Variants in JCAD observed in about 807,000 individuals in gnomAD.
JCAD encodes the protein junctional cadherin 5 associated.
Under a neutral mutation model 98.0 loss-of-function variants are expected in JCAD, and 40 were observed. The ratio of observed to expected loss-of-function variants is 0.41; its 90% CI spans 0.32 to 0.53. The LOEUF (loss-of-function observed/expected upper bound fraction) is 0.53. Ranked by LOEUF, JCAD falls within the 20% of genes least tolerant of loss-of-function variation. The pLI is 0.31. For missense variants in JCAD, 1,705 were observed against 1,738.1 expected, an observed-to-expected ratio of 0.98 and a Z score of 0.34; for synonymous variants, 691 against 682.3, an observed-to-expected ratio of 1.01 and a Z score of -0.20.
At chr10:30,064,050 C>T (rs1038233284), upstream of JCAD, among the ~76,000 whole-genome samples, 9 of 152,114 alleles carry the variant, frequency 5.9e-5, no homozygotes, top group Non-Finnish European at 1.0e-4. Flanking sequence ...TGCGATCTGC[C>T]TGCCTTAGCC....
chr10:30,065,988 A>G (rs944594035), intron 2 of JCAD, among the ~76,000 whole-genome samples: 3 of 152,180 alleles, frequency 2.0e-5, no homozygotes, highest in African/African-American at 7.2e-5. Flanking sequence ...ACTTTAAGGA[A>G]ATGCCCAGAT....
At chr10:30,046,469 T>C (rs1409558375) in intron 2 of JCAD, among the ~76,000 whole-genome samples, 7 of 152,196 alleles carry the variant, frequency 4.6e-5, no homozygotes, top group African/African-American at 1.7e-4. Flanking sequence ...ATGATATGAA[T>C]ATACCAGAAG....
chr10:30,015,071 C>T lies in JCAD; in HGVS notation c.*2812G>A, dbSNP rs971574945. 6 of 152,164 alleles carry T rather than the reference C, an allele frequency of 3.9e-5. No homozygotes were observed. Among genetic ancestry groups the T allele is most frequent in the African/African-American group, 1.4e-4 (6 of 41,430 alleles). The allele number at this position is 152,164 out of a possible 1,614,324, so 9.4% of individuals were successfully genotyped here. A position where few individuals can be genotyped will look rare whatever the true frequency, so the allele number is the denominator to read the frequency against. ...TTTTCAGTCATTCAGAAATTTTCTT[C>T]AAAGAAAGGCAATTTGAGCTAAATT... On this transcript the variant is annotated 3_prime_UTR_variant, in exon 4 of 4. Transcript: ENST00000375377.
At chr10:30,053,889 C>A (rs1008391431) in intron 1 of JCAD, among the ~76,000 whole-genome samples, 6 of 152,036 alleles carry the variant, frequency 3.9e-5, no homozygotes, top group African/African-American at 1.4e-4. Context: ...GCAGTTAAAC[C>A]CCGTTTCTAC....
chr10:30,115,076 T>C (rs1462791535), intron 1 of JCAD, among the ~76,000 whole-genome samples: 1 of 152,210 alleles, frequency 6.6e-6, no homozygotes, highest in Non-Finnish European at 1.5e-5. Flanking sequence ...ACCAACCGAC[T>C]GTTTTCTACC....
At chr10:30,102,026 A>G (rs565644074) in intron 1 of JCAD, among the ~76,000 whole-genome samples, 197 of 151,956 alleles carry the variant, frequency 1.3e-3, no homozygotes, top group Non-Finnish European at 2.4e-3. Flanking sequence ...GTAAGCTAGT[A>G]CTCTACCCTT....
chr10:30,113,043 A>G (rs1258686949), intron 1 of JCAD, among the ~76,000 whole-genome samples: 1 of 152,172 alleles, frequency 6.6e-6, no homozygotes, highest in African/African-American at 2.4e-5. Context: ...TCGTGAATGT[A>G]CAGTATGAAA....
chr10:30,109,932 A>AC (rs1457730145), intron 1 of JCAD, among the ~76,000 whole-genome samples: 3 of 150,682 alleles, frequency 2.0e-5, no homozygotes, highest in Admixed American at 6.6e-5. Context: ...TGATATGTAG[A>AC]CCCCCCTGTG....
chr10:30,096,132 C>G (rs896342129), intron 1 of JCAD, among the ~76,000 whole-genome samples: 1 of 152,212 alleles, frequency 6.6e-6, no homozygotes, highest in African/African-American at 2.4e-5. Context: ...AGGAAAGATG[C>G]CATCAGCCTG....
At position 30,028,647 on chromosome 10, in the gene JCAD, A is replaced by G; in HGVS notation, c.1501T>C (p.Trp501Arg). 1 of 1,606,972 alleles carries G rather than the reference A, an allele frequency of 6.2e-7. No homozygotes were observed. The highest frequency in any genetic ancestry group is 1.1e-5 in the South Asian group (1 of 90,224). Residue 501 changes from tryptophan (W) to arginine (R), a missense_variant, in exon 3 of 4, where the codon TGG (tryptophan) becomes CGG (arginine). Trp to Arg is a moderately radical substitution (Grantham distance 101, BLOSUM62 -3). Coordinates refer to ENST00000375377, the MANE Select transcript of JCAD (RefSeq NM_020848.4). ...TCCCCATCCCCGGGGGGCTGGCCCC[A>G]CAGCCACCGGGGGCTGGAATCGGCC... The part of the protein sequence containing the change: ...VLADSSPRWL[W>R]GQPPGDGENS...
chr10:30,045,389 CA>C (rs1837313797), intron 2 of JCAD, among the ~76,000 whole-genome samples: 1 of 152,084 alleles, frequency 6.6e-6, no homozygotes, highest in African/African-American at 2.4e-5. Context: ...ACAGTTGCTA[CA>C]ATTGGGGAAA....
chr10:30,072,386 C>A (rs7077632), intron 1 of JCAD, among the ~76,000 whole-genome samples: 4,501 of 152,284 alleles, frequency 0.03, 252 homozygotes, highest in African/African-American at 0.1. Flanking sequence ...CACTACATCT[C>A]CTCTATCTGA....
rs1356849939 is a variant in JCAD, at chr10:30,086,945, G to A, written n.129-17124C>T. 5.9e-5 allele frequency among the ~76,000 whole-genome samples: 9 copies of A among 152,338 alleles called. No individual in the cohort carries two copies. The South Asian group carries it at 1.0e-3, about 18-fold the overall frequency. ...AGAGCTCCTGCTGTCACCTGTTACAGTGGGATAAATATAGTAAACCGAACC... is the reference window on the plus strand; with the variant it reads ...AGAGCTCCTGCTGTCACCTGTTACAATGGGATAAATATAGTAAACCGAACC... On this transcript the variant is annotated intron_variant and non_coding_transcript_variant, in intron 1 of 2. Transcript: ENST00000465712.
rs899464950 is a variant in JCAD, at chr10:30,084,104, A to G, written n.129-14283T>C. Among the ~76,000 whole-genome samples, 8 of 151,700 alleles carry G rather than the reference A, an allele frequency of 5.3e-5. No individual in the cohort carries two copies. In the East Asian group the frequency reaches 1.5e-3, roughly 29 times the overall value. On this transcript the variant is annotated intron_variant and non_coding_transcript_variant, in intron 1 of 2. Coordinates refer to the JCAD transcript ENST00000465712. The stretch of plus-strand genomic sequence containing the variant: ...AAGAGTGAGAGAAAGAAAGGGAGAA[A>G]GAGAAAGAAAAAGAAAGAGAAAGAA...
chr10:30,044,764 C>T, intron 2 of JCAD: 2 of 971,992 alleles, frequency 2.1e-6, no homozygotes, highest in South Asian at 4.8e-5. Context: ...TGGGGAAAAA[C>T]AATTCTCCTT....
intron 1 of JCAD, among the ~76,000 whole-genome samples, chr10:30,087,488 G>A (rs368197464): frequency 6.6e-6 from 1 of 152,060 alleles, no homozygotes; most frequent in African/African-American, 2.4e-5. Flanking sequence ...CTGGGAGAAG[G>A]AGCTGAACAC....
At chr10:30,085,745 G>C (rs528868911) in intron 1 of JCAD, among the ~76,000 whole-genome samples, 9 of 152,340 alleles carry the variant, frequency 5.9e-5, no homozygotes, top group Admixed American at 2.6e-4. Flanking sequence ...GCAGAGTCCT[G>C]ATTTCTAGCA....
Position 30,027,972 on chromosome 10 carries a change from C to G in JCAD, c.2176G>C (p.Ala726Pro). The change falls in exon 3 of 4, where the codon GCT (alanine) becomes CCT (proline). Residue 726 changes from alanine (A) to proline (P), a missense_variant. Physicochemically the swap from Ala to Pro is conservative, Grantham distance 27. Around this residue, in one of 3 missense-constraint regions of JCAD, gnomAD observed 1,278 missense variants for 1,243.1 expected, o/e 1.03. Coordinates refer to ENST00000375377, the MANE Select transcript of JCAD (RefSeq NM_020848.4). Reference sequence around the variant, plus strand: ...GTGTGCGTCTGAGCTTCGGAGGCAGCAGGGTCTGAACATTTTGGACTCAAT... The same window carrying G: ...GTGTGCGTCTGAGCTTCGGAGGCAGGAGGGTCTGAACATTTTGGACTCAAT... The part of the protein sequence containing the change: ...AALSPKCSDP[A>P]ASEAQTHTAF... 2 of 1,614,252 alleles carry G rather than the reference C, an allele frequency of 1.2e-6. No individual in the cohort carries two copies. The highest frequency in any genetic ancestry group is 1.7e-5 in the Admixed American group (1 of 60,030).
At chr10:30,064,406 A>G (rs1209653061), upstream of JCAD, among the ~76,000 whole-genome samples, 1 of 152,158 alleles carries the variant, frequency 6.6e-6, no homozygotes, top group Non-Finnish European at 1.5e-5. Flanking sequence ...ATAAATTTCT[A>G]TAACTGTAAA....
Sources: allele counts gnomAD v4.1 joint callset (sites outside exome capture counted in the v4.1 genomes callset), GRCh38; gene constraint gnomAD v4.1.1; regional missense constraint gnomAD v4.1.1; transcripts MANE v1.5; gene names NCBI Gene and HGNC (gene_info 2026-07-23, HGNC 2026-07-21).